The following LIMS1 variants were observed in gnomAD, a reference collection of about 807,000 sequenced individuals.
LIMS1 encodes the protein LIM zinc finger domain containing 1.
LIMS1 carries 18 observed loss-of-function variants against 44.1 expected under a neutral mutation model. The observed-to-expected ratio is 0.41, with a 90% CI of 0.28 to 0.61. The LOEUF (loss-of-function observed/expected upper bound fraction) is 0.61. LIMS1 is among the 20% of genes least tolerant of loss of function. The probability of loss-of-function intolerance (pLI) is 0.32; values close to 1 mark genes in which losing one functional copy is unlikely to be tolerated. For missense variants in LIMS1, 201 were observed against 422.0 expected (o/e 0.48, Z 4.59); for synonymous variants, 93 against 149.1 (o/e 0.62, Z 2.74).
intron 8 of LIMS1, among the ~76,000 whole-genome samples, chr2:108,680,392 C>A (rs1692886413): frequency 7.9e-6 from 1 of 127,280 alleles, no homozygotes; most frequent in Non-Finnish European, 1.8e-5. Context: ...AAAAAATTAG[C>A]CAGGTGTAGT....
At chr2:108,618,912 C>T (rs1458283950) in intron 1 of LIMS1, among the ~76,000 whole-genome samples, 1 of 151,482 alleles carries the variant, frequency 6.6e-6, no homozygotes, top group African/African-American at 2.4e-5. Context: ...GCAGTTTCAT[C>T]AGAACATAAG....
intron 9 of LIMS1, among the ~76,000 whole-genome samples, chr2:108,683,483 A>G (rs1385295755): frequency 3.6e-5 from 5 of 139,558 alleles, no homozygotes; most frequent in Non-Finnish European, 7.6e-5. Flanking sequence ...TAGAGGCTGC[A>G]GGGAGCTGTG....
intron 8 of LIMS1, among the ~76,000 whole-genome samples, chr2:108,680,365 CA>C (rs35982119): frequency 0.074 from 5,048 of 68,180 alleles, 113 homozygotes; most frequent in South Asian, 0.19. Context: ...GATTCCGTCT[CA>C]AAAAAAAAAA....
chr2:108,552,110 CTA>C (rs992079693), intron 1 of LIMS1, among the ~76,000 whole-genome samples: 2 of 144,072 alleles, frequency 1.4e-5, no homozygotes, highest in Non-Finnish European at 3.0e-5. Context: ...AGAGAGTTAA[CTA>C]TATATTATAT....
intron 9 of LIMS1, chr2:108,681,153 C>T (rs1341803381): frequency 2.5e-5 from 32 of 1,288,410 alleles, no homozygotes; most frequent in Non-Finnish European, 2.9e-5. Context: ...TCACTGCTTT[C>T]TCCTTTGGTT....
At chr2:108,541,938 G>GT (rs1055436475) in intron 1 of LIMS1, among the ~76,000 whole-genome samples, 123 of 152,270 alleles carry the variant, frequency 8.1e-4, no homozygotes, top group African/African-American at 2.8e-3. Flanking sequence ...TTGTTTTATA[G>GT]TTTTTTGTAT....
rs901842681 is a variant in LIMS1 at position 108,627,295 on chromosome 2, G to A, written c.33-32310G>A. Among the ~76,000 whole-genome samples, 3 of 152,060 alleles carry A rather than the reference G, an allele frequency of 2.0e-5. 1 individual carries two copies. The highest frequency in any genetic ancestry group is 7.2e-5 in the African/African-American group (3 of 41,392). The stretch of plus-strand genomic sequence containing the variant: ...CATTAAGCAATGTATGACTAGTAGA[G>A]GGAGTTTATGCTGAAATTAAAAATA... On this transcript the variant is annotated intron_variant, in intron 1 of 9. Transcript: ENST00000544547.
At chr2:108,548,517 CT>C (rs1195516133) in intron 1 of LIMS1, among the ~76,000 whole-genome samples, 1 of 152,092 alleles carries the variant, frequency 6.6e-6, no homozygotes, top group Non-Finnish European at 1.5e-5. Flanking sequence ...GGTGCTTTCC[CT>C]TTGGGAGTGG....
chr2:108,630,354 CACTT>C (rs1344543540), intron 1 of LIMS1, among the ~76,000 whole-genome samples: 3 of 152,160 alleles, frequency 2.0e-5, no homozygotes, highest in Non-Finnish European at 4.4e-5. Flanking sequence ...AATTATGTCA[CACTT>C]ACATGCTGAA....
At chr2:108,625,211 T>C (rs1010093629) in intron 1 of LIMS1, among the ~76,000 whole-genome samples, 2 of 152,192 alleles carry the variant, frequency 1.3e-5, no homozygotes, top group African/African-American at 2.4e-5. Flanking sequence ...GAAAAAATAA[T>C]AAAAATATTT....
intron 2 of LIMS1, among the ~76,000 whole-genome samples, chr2:108,663,690 G>C (rs1171011482): frequency 2.0e-5 from 3 of 152,030 alleles, no homozygotes; most frequent in Non-Finnish European, 4.4e-5. Flanking sequence ...TTTCACAAAT[G>C]TGTCCCTTTT....
rs1213737564 is a variant in LIMS1, at chr2:108,551,929, ATGTGTGTG to A, written c.32+17353_32+17360del. Among the ~76,000 whole-genome samples, 243 of 135,718 alleles carry A rather than the reference ATGTGTGTG, an allele frequency of 1.8e-3. 3 individuals carry two copies. The highest frequency in any genetic ancestry group is 6.4e-3 in the African/African-American group (227 of 35,602). The allele number at this position is 135,718 out of a possible 152,430, so 89.0% of individuals were successfully genotyped here. A position where few individuals can be genotyped will look rare whatever the true frequency, so the allele number is the denominator to read the frequency against. On this transcript the variant is annotated intron_variant, in intron 1 of 9. Transcript: ENST00000544547. Reference sequence around the variant, plus strand: ...TGTATATGTGTGTATATGTGTATATATGTGTGTGTGTGTGTGTGTGTGTGTATATATAT... The same window carrying A: ...TGTATATGTGTGTATATGTGTATATATGTGTGTGTGTGTGTGTATATATAT...
intron 1 of LIMS1, among the ~76,000 whole-genome samples, chr2:108,637,209 T>C (rs1221978250): frequency 6.6e-6 from 1 of 151,504 alleles, no homozygotes; most frequent in Non-Finnish European, 1.5e-5. Flanking sequence ...CAGTAAAATC[T>C]ACACAAAACA....
At chr2:108,649,925 C>A (rs1256751498) in intron 1 of LIMS1, among the ~76,000 whole-genome samples, 1 of 152,134 alleles carries the variant, frequency 6.6e-6, no homozygotes, top group African/African-American at 2.4e-5. Context: ...ATGTAACAAA[C>A]CTGCACGTTC....
intron 1 of LIMS1, among the ~76,000 whole-genome samples, chr2:108,583,696 G>GTTTTTTT (rs1173307399): frequency 1.1e-4 from 10 of 90,736 alleles, no homozygotes; most frequent in Admixed American, 2.7e-4. Context: ...TGTTGTTGCT[G>GTTTTTTT]TTTCTTTTTT....
intron 1 of LIMS1, among the ~76,000 whole-genome samples, chr2:108,637,090 T>TATAC: frequency 7.1e-6 from 1 of 140,906 alleles, no homozygotes; most frequent in African/African-American, 2.6e-5. Context: ...TTCAGCAAAA[T>TATAC]ATACATATAT....
intron 1 of LIMS1, among the ~76,000 whole-genome samples, chr2:108,565,642 T>C (rs750622794): frequency 3.9e-5 from 6 of 152,184 alleles, no homozygotes; most frequent in Admixed American, 1.3e-4. Flanking sequence ...GTCCTTATGG[T>C]CTGTTTTATA....
At chr2:108,661,347 T>TC (rs1435401314) in intron 2 of LIMS1, among the ~76,000 whole-genome samples, 85 of 151,798 alleles carry the variant, frequency 5.6e-4, no homozygotes, top group Non-Finnish European at 9.9e-4. Context: ...TTTTTTTTTT[T>TC]TTAACTTTAT....
At chr2:108,587,813 C>G (rs1558798535) in intron 1 of LIMS1, among the ~76,000 whole-genome samples, 1 of 152,210 alleles carries the variant, frequency 6.6e-6, no homozygotes, top group East Asian at 1.9e-4. Flanking sequence ...CTTGCTGCTT[C>G]TGCACTGTGT....
Sources: allele counts gnomAD v4.1 joint callset (sites outside exome capture counted in the v4.1 genomes callset), GRCh38; gene constraint gnomAD v4.1.1; transcripts MANE v1.5; gene names NCBI Gene and HGNC (gene_info 2026-07-23, HGNC 2026-07-21).